The following RNF213 variants were observed in gnomAD, a reference collection of about 807,000 sequenced individuals.
RNF213 encodes ring finger protein 213, also known as E3 ubiquitin-protein ligase RNF213.
A neutral mutation model predicts 514.4 loss-of-function variants in RNF213; 341 were observed. The observed-to-expected ratio is 0.66, with a 90% CI of 0.61 to 0.73. The LOEUF is 0.73. Ranked by LOEUF, RNF213 falls within the 30% of genes least tolerant of loss-of-function variation. RNF213 has a pLI of 0.00. For missense variants in RNF213, 5,767 were observed against 6,615.6 expected (o/e 0.87, Z 4.45); for synonymous variants, 2,655 against 2,658.2 (o/e 1.00, Z 0.04).
At chr17:80,306,592 C>T (rs1286871580) in intron 12 of RNF213, 124 bp downstream of exon 12, 1 of 984,440 alleles carries the variant, frequency 1.0e-6, no homozygotes, top group South Asian at 1.4e-5. Context: ...GTGGCTCACG[C>T]CTGAATCCCA....
chr17:80,317,359 C>A lies in RNF213; in HGVS notation c.2901+82C>A. 1 of 1,218,850 alleles carries A rather than the reference C, an allele frequency of 8.2e-7. No homozygotes were observed. Among genetic ancestry groups the A allele is most frequent in the Non-Finnish European group, 1.2e-6 (1 of 835,930 alleles). 75.5% of individuals were successfully genotyped at this position (1,218,850 alleles called of 1,614,324 possible). On this transcript the variant is annotated intron_variant, in intron 16 of 67. Transcript: ENST00000582970. The surrounding 1 kb of genome is among the most constrained non-coding windows in gnomAD (Gnocchi z 4.1). ...AGACCATTAGCGACAGCCAAGAGAT[C>A]TCAGCAGTGCCTCTCTGTGGGCAGG... is the stretch of plus-strand genomic sequence containing the variant.
chr17:80,271,822 CA>C (rs910795802), intron 2 of RNF213, among the ~76,000 whole-genome samples: 7 of 150,572 alleles, frequency 4.6e-5, no homozygotes, highest in African/African-American at 1.7e-4. Flanking sequence ...ACTAAAAATA[CA>C]AAAAAAATTA....
chr17:80,322,129 G>T (rs2046155886), intron 17 of RNF213, among the ~76,000 whole-genome samples: 1 of 146,666 alleles, frequency 6.8e-6, no homozygotes, highest in Non-Finnish European at 1.5e-5. Context: ...TGTTTATTGA[G>T]ATATTTTGCC....
Position 80,309,250 on chromosome 17 carries a change from A to C in RNF213, c.2655+79A>C. On this transcript the variant is annotated intron_variant, in intron 14 of 67. Transcript: ENST00000582970. ...AGCAGCCTCAATTTGGAAAGGAAAC[A>C]GACTGATTCCCGGGTGCTGGGATGA... 1.9e-6 allele frequency: 3 copies of C among 1,556,400 alleles called. No homozygotes were observed. In the South Asian group the frequency reaches 3.3e-5, roughly 17 times the overall value.
rs536109705 is a variant in RNF213 at position 80,351,800 on chromosome 17, G to A, written c.10300G>A (p.Gly3434Arg). ...GRGTAYVGFH[G>R]GLWQSVHIDD... Reference sequence around the variant, plus strand: ...AGGAACAGCCTATGTGGGCTTCCACGGAGGTGAGATCAGAACATCAGTCAG... The same window carrying A: ...AGGAACAGCCTATGTGGGCTTCCACAGAGGTGAGATCAGAACATCAGTCAG... The change falls in exon 32 of 68, where the codon GGA becomes AGA. Residue 3434 changes from glycine to arginine, a missense_variant. Transcript: ENST00000582970. The A allele has an allele frequency of 1.9e-5, 29 of 1,497,884 alleles. No individual in the cohort carries two copies. Among genetic ancestry groups the A allele is most frequent in the Middle Eastern group, 3.4e-4 (2 of 5,846 alleles). 92.8% of individuals were successfully genotyped at this position (1,497,884 alleles called of 1,614,324 possible).
intron 10 of RNF213, among the ~76,000 whole-genome samples, chr17:80,296,035 C>G (rs929783153): frequency 4.0e-5 from 6 of 151,878 alleles, no homozygotes; most frequent in African/African-American, 1.5e-4. Context: ...TTTGTTTTCC[C>G]CCCAGACGGC....
rs2079562574 is a variant in RNF213 at position 80,372,668 on chromosome 17, G to A, written c.12685G>A (p.Val4229Met). ...GGCCTCGGTTGAATACCTGCAAGAG[G>A]TGGCCCGGATCCGCCTCTGCCTCGA... ...NEASVEYLQE[V>M]ARIRLCLDRA... The change falls in exon 48 of 68, where the codon GTG becomes ATG. Residue 4229 changes from valine (V) to methionine (M), a missense_variant. Physicochemically the swap from Val to Met is conservative, Grantham distance 21. Transcript: ENST00000582970. The A allele has an allele frequency of 4.3e-6, 7 of 1,614,088 alleles. No homozygotes were observed. Among genetic ancestry groups the A allele is most frequent in the Non-Finnish European group, 5.9e-6 (7 of 1,180,032 alleles).
At chr17:80,336,734 G>GA (rs1220408826) in intron 23 of RNF213, 2 of 350,736 alleles carry the variant, frequency 5.7e-6, no homozygotes, top group African/African-American at 4.3e-5. Context: ...TTTTTTATCA[G>GA]AAAAAAGTAA....
At position 80,295,831 on chromosome 17, in the gene RNF213, C is replaced by G. The variant is rs375373386; in HGVS notation, c.2012+18C>G. 1 of 1,613,574 alleles carries G rather than the reference C, an allele frequency of 6.2e-7. No homozygotes were observed. The highest frequency in any genetic ancestry group is 1.1e-5 in the South Asian group (1 of 90,966). ...CCTCAGAGGTATTATTATTTTTTGT[C>G]AAAATGTTTTTTATAGCTATTATAA... On this transcript the variant is annotated intron_variant, in intron 10 of 67. Transcript: ENST00000582970.
chr17:80,372,936 G>A, intron 48 of RNF213, 39 bp from the exon 49 acceptor site: 1 of 1,595,700 alleles, frequency 6.3e-7, no homozygotes, highest in Non-Finnish European at 8.5e-7. Flanking sequence ...AATGCCCTAA[G>A]TCACCAGCCA....
At chr17:80,323,144 C>T (rs2046191063) in intron 17 of RNF213, among the ~76,000 whole-genome samples, 1 of 152,174 alleles carries the variant, frequency 6.6e-6, no homozygotes, top group African/African-American at 2.4e-5. Flanking sequence ...TGAAAGGACT[C>T]TACATTCCCT....
intron 3 of RNF213, among the ~76,000 whole-genome samples, chr17:80,286,073 TG>T (rs991478172): frequency 5.3e-5 from 8 of 152,222 alleles, no homozygotes; most frequent in African/African-American, 1.9e-4. Context: ...CAGCCTGCGC[TG>T]GGAGTGAGTC....
Position 80,395,377 on chromosome 17 carries a change from CG to C in RNF213, c.*1880del, listed in dbSNP as rs2144696614. ...AGACATCAGCTAGGCTTTTGGGAAT[CG>C]TTTGTGTTCTTTGTGGAAATGTCCT... On this transcript the variant is annotated 3_prime_UTR_variant, in exon 68 of 68. Coordinates refer to ENST00000582970, the MANE Select transcript of RNF213 (RefSeq NM_001256071.3). 1 of 152,306 alleles carries C rather than the reference CG, an allele frequency of 6.6e-6. No individual in the cohort carries two copies. Among genetic ancestry groups the C allele is most frequent in the African/African-American group, 2.4e-5 (1 of 41,560 alleles). 9.4% of individuals were successfully genotyped at this position (152,306 alleles called of 1,614,324 possible).
At position 80,317,447 on chromosome 17, in the gene RNF213, A is replaced by G. The variant is rs574896479; in HGVS notation, c.2901+170A>G. Among the ~76,000 whole-genome samples, 2 of 152,250 alleles carry G rather than the reference A, an allele frequency of 1.3e-5. No individual in the cohort carries two copies. The highest frequency in any genetic ancestry group is 3.9e-4 in the East Asian group (2 of 5,178). On this transcript the variant is annotated intron_variant, in intron 16 of 67. Coordinates refer to ENST00000582970, the MANE Select transcript of RNF213 (RefSeq NM_001256071.3). This position sits in a 1 kb window ranked among gnomAD's most constrained non-coding sequence, Gnocchi z 4.1. Reference sequence around the variant, plus strand: ...TCCAGCCCTTATAGTCTGTCCCTAGAAGAGCGCTTCGGAGTCTTACTGAGA... The same window carrying G: ...TCCAGCCCTTATAGTCTGTCCCTAGGAGAGCGCTTCGGAGTCTTACTGAGA...
chr17:80,314,082 G>GAA (rs2045721220), intron 15 of RNF213, among the ~76,000 whole-genome samples: 3 of 74,816 alleles, frequency 4.0e-5, no homozygotes, highest in Non-Finnish European at 8.2e-5. Context: ...GGTGGTGGTG[G>GAA]AGGTGATGGT....
chr17:80,273,130 G>C, intron 2 of RNF213, 111 bp from the exon 3 acceptor site: 16 of 1,441,704 alleles, frequency 1.1e-5, no homozygotes, highest in South Asian at 3.4e-5. Flanking sequence ...CAGGACCTCG[G>C]AGGGAGAACA....
intron 2 of RNF213, among the ~76,000 whole-genome samples, chr17:80,267,268 C>G (rs1039250756): frequency 2.0e-5 from 3 of 150,520 alleles, no homozygotes; most frequent in Non-Finnish European, 4.4e-5. Context: ...TGGTGAAAAC[C>G]CATGTCTACT....
chr17:80,299,056 A>G (rs2045075190), intron 11 of RNF213, among the ~76,000 whole-genome samples: 1 of 152,210 alleles, frequency 6.6e-6, no homozygotes, highest in South Asian at 2.1e-4. Context: ...GCACGGTGGC[A>G]TACCTATTTG....
chr17:80,298,274 A>G (rs1223391299), intron 10 of RNF213, 47 bp from the exon 11 acceptor site: 2 of 1,583,282 alleles, frequency 1.3e-6, no homozygotes, highest in Non-Finnish European at 1.7e-6. Flanking sequence ...CAGGGAGATG[A>G]CTCCCTGGCC....
Sources: allele counts gnomAD v4.1 joint callset (sites outside exome capture counted in the v4.1 genomes callset), GRCh38; gene constraint gnomAD v4.1.1; non-coding constraint Gnocchi (gnomAD v3.1); transcripts MANE v1.5; gene names NCBI Gene and HGNC (gene_info 2026-07-23, HGNC 2026-07-21).